Variants in DHRS4L2 observed in about 807,000 individuals in gnomAD.
DHRS4L2 encodes dehydrogenase/reductase SDR family member 4-like 2.
A neutral mutation model predicts 23.9 loss-of-function variants in DHRS4L2; 22 were observed. The observed-to-expected ratio is 0.92, with a 90% CI of 0.66 to 1.31. DHRS4L2 has a LOEUF of 1.31. Ranked by LOEUF, DHRS4L2 falls within the 40% of genes most tolerant of loss-of-function variation. The pLI, the probability that DHRS4L2 is intolerant of heterozygous loss-of-function variation, is 0.00. For missense variants in DHRS4L2, 385 were observed against 303.3 expected, an observed-to-expected ratio of 1.27 and a Z score of -2.00; for synonymous variants, 141 against 123.7, an observed-to-expected ratio of 1.14 and a Z score of -0.93.
At chr14:23,991,679 A>G (rs2138538347) in intron 2 of DHRS4L2, among the ~76,000 whole-genome samples, 1 of 151,610 alleles carries the variant, frequency 6.6e-6, no homozygotes. Context: ...GCACAGGCTC[A>G]GGAGTACTGC....
intron 3 of DHRS4L2, among the ~76,000 whole-genome samples, chr14:24,000,098 G>A (rs975999916): frequency 7.2e-6 from 1 of 139,432 alleles, no homozygotes; most frequent in African/African-American, 3.0e-5. Flanking sequence ...GAGTTTCAAT[G>A]GTTCATTTAA....
intron 1 of DHRS4L2, among the ~76,000 whole-genome samples, chr14:23,970,742 G>C (rs1407540093): frequency 1.3e-5 from 2 of 152,154 alleles, no homozygotes; most frequent in East Asian, 3.9e-4. Context: ...CCTCATACAG[G>C]TGGGTGCCCC....
chr14:23,988,652 T>C (rs544521231), upstream of DHRS4L2: 5 of 535,146 alleles, frequency 9.3e-6, no homozygotes, highest in South Asian at 4.4e-5. Context: ...GCAGCCAAAG[T>C]CTGCGGGTTC....
At chr14:23,988,062 A>C (rs2034186272), upstream of DHRS4L2, among the ~76,000 whole-genome samples, 1 of 151,558 alleles carries the variant, frequency 6.6e-6, no homozygotes. Flanking sequence ...GGCCCAGGGC[A>C]CCAATAATAA....
At chr14:23,991,462 C>T (rs1207460444) in intron 2 of DHRS4L2, among the ~76,000 whole-genome samples, 2 of 151,732 alleles carry the variant, frequency 1.3e-5, no homozygotes, top group African/African-American at 2.4e-5. Flanking sequence ...GAAAATCCTC[C>T]TAGAAAAACA....
At chr14:23,976,638 T>A (rs2033972541) in intron 1 of DHRS4L2, among the ~76,000 whole-genome samples, 1 of 151,788 alleles carries the variant, frequency 6.6e-6, no homozygotes, top group Non-Finnish European at 1.5e-5. Context: ...CATTCTACTA[T>A]AAAGACACAT....
upstream of DHRS4L2, among the ~76,000 whole-genome samples, chr14:23,984,820 A>G (rs2037675956): frequency 6.6e-6 from 1 of 150,754 alleles, no homozygotes; most frequent in Non-Finnish European, 1.5e-5. Context: ...AAAAAAAAAA[A>G]AAAAAGAATT....
intron 1 of DHRS4L2, among the ~76,000 whole-genome samples, chr14:23,976,197 C>T (rs2033960045): frequency 6.6e-6 from 1 of 151,730 alleles, no homozygotes; most frequent in Non-Finnish European, 1.5e-5. Context: ...AAAATTCTTG[C>T]AATCTATCCA....
intron 3 of DHRS4L2, among the ~76,000 whole-genome samples, chr14:23,997,347 G>T (rs140960598): frequency 0.053 from 4,314 of 81,028 alleles, 99 homozygotes; most frequent in Middle Eastern, 0.1. Context: ...GTTGCTGAAG[G>T]CTGGGGTGGC....
upstream of DHRS4L2, among the ~76,000 whole-genome samples, chr14:23,985,419 T>C (rs2034122427): frequency 6.6e-6 from 1 of 151,698 alleles, no homozygotes; most frequent in Non-Finnish European, 1.5e-5. Flanking sequence ...CACCAGCCCT[T>C]CCACATAGCC....
chr14:23,983,748 G>A (rs1478061000), intron 1 of DHRS4L2, among the ~76,000 whole-genome samples: 1 of 151,512 alleles, frequency 6.6e-6, no homozygotes, highest in African/African-American at 2.4e-5. Flanking sequence ...GGATGAAGCT[G>A]GAAACCATCA....
At position 24,001,067 on chromosome 14, in the gene DHRS4L2, G is replaced by C. The variant is rs1425441611; in HGVS notation, c.514G>C (p.Ala172Pro). 3 of 1,611,096 alleles carry C rather than the reference G, an allele frequency of 1.9e-6. No homozygotes were observed. Among genetic ancestry groups the C allele is most frequent in the African/African-American group, 2.7e-5 (2 of 73,344 alleles). ...AGTGGTGATCGTGTCTTCCATAGCA[G>C]CCTTCAGTCCATCTCCTGTAAGAAC... ...GSVVIVSSIA[A>P]FSPSPGFSPY... The change falls in exon 5 of 8, where the codon GCC becomes CCC. Residue 172 changes from alanine (A) to proline (P), a missense_variant. Ala to Pro is a conservative substitution (Grantham distance 27). Coordinates refer to ENST00000335125, the MANE Select transcript of DHRS4L2 (RefSeq NM_198083.4).
At position 24,001,448 on chromosome 14, in the gene DHRS4L2, A is replaced by C; in HGVS notation, c.596A>C (p.Glu199Ala). Residue 199 changes from glutamate to alanine, a missense_variant, in exon 6 of 8, where the codon GAG (glutamate) becomes GCG (alanine). Transcript: ENST00000335125. The stretch of plus-strand genomic sequence containing the variant: ...GGCCTCAACAATACCCTGGCCATAG[A>C]GCTGGCCCCAAGGAACATTAGGGTG... ...LLGLNNTLAI[E>A]LAPRNIRVNC... 1 of 1,607,022 alleles carries C rather than the reference A, an allele frequency of 6.2e-7. No individual in the cohort carries two copies. The highest frequency in any genetic ancestry group is 8.5e-7 in the Non-Finnish European group (1 of 1,179,248).
intron 3 of DHRS4L2, among the ~76,000 whole-genome samples, chr14:24,000,409 C>T (rs1292733692): frequency 6.6e-6 from 1 of 151,248 alleles, no homozygotes; most frequent in African/African-American, 2.4e-5. Context: ...CCAAGAACAT[C>T]TCACTCCCTA....
rs577757334 is a variant in DHRS4L2, at chr14:23,994,227, C to G, written c.307-805C>G. 2.6e-5 allele frequency among the ~76,000 whole-genome samples: 4 copies of G among 151,686 alleles called. No individual in the cohort carries two copies. The East Asian group carries it at 5.8e-4, about 22-fold the overall frequency. On this transcript the variant is annotated intron_variant, in intron 2 of 7. Coordinates refer to ENST00000335125, the MANE Select transcript of DHRS4L2 (RefSeq NM_198083.4). ...TTCAGGGAGAACTGGACAGTAAGCACTTGGAGAAATGTGGGTGGAACTCAG... is the reference window on the plus strand; with the variant it reads ...TTCAGGGAGAACTGGACAGTAAGCAGTTGGAGAAATGTGGGTGGAACTCAG...
At chr14:23,988,811 C>A (rs1004693392), upstream of DHRS4L2, 2 of 1,404,068 alleles carry the variant, frequency 1.4e-6, no homozygotes, top group Non-Finnish European at 1.9e-6. Flanking sequence ...GAGGCGCCAA[C>A]CGCCACAGAC....
At chr14:23,996,518 G>C (rs1369732857) in intron 3 of DHRS4L2, among the ~76,000 whole-genome samples, 1 of 150,580 alleles carries the variant, frequency 6.6e-6, no homozygotes, top group Non-Finnish European at 1.5e-5. Flanking sequence ...TCCTTCTTAG[G>C]AACTATCATC....
intron 2 of DHRS4L2, among the ~76,000 whole-genome samples, chr14:23,991,346 C>G (rs145675503): frequency 3.2e-4 from 49 of 151,692 alleles, no homozygotes; most frequent in Admixed American, 8.5e-4. Flanking sequence ...TTAGACTGGT[C>G]GACAAAGCCC....
At chr14:23,990,997 A>C (rs2034258153) in intron 2 of DHRS4L2, 1 of 623,686 alleles carries the variant, frequency 1.6e-6, no homozygotes, top group Non-Finnish European at 2.0e-6. Context: ...TCAATGTCAT[A>C]ATTAGTAGTG....
Sources: allele counts gnomAD v4.1 joint callset (sites outside exome capture counted in the v4.1 genomes callset), GRCh38; gene constraint gnomAD v4.1.1; transcripts MANE v1.5; gene names NCBI Gene and HGNC (gene_info 2026-07-23, HGNC 2026-07-21).